TENT2: variants seen among roughly 807,000 people sequenced by gnomAD.
TENT2 encodes the protein terminal nucleotidyltransferase 2, also known as poly(A) RNA polymerase GLD2.
In TENT2, 44 loss-of-function variants were observed where a neutral mutation model predicts 72.2. The observed-to-expected ratio is 0.61, with a 90% CI of 0.48 to 0.78. TENT2 has a LOEUF of 0.78. Ranked by LOEUF, TENT2 falls within the 30% of genes least tolerant of loss-of-function variation. TENT2 has a pLI of 0.00. For missense variants in TENT2, 541 were observed against 569.6 expected (o/e 0.95, Z 0.51); for synonymous variants, 212 against 192.5 (o/e 1.10, Z -0.84).
chr5:79,633,645 A>G (rs1049918353), intron 4 of TENT2, among the ~76,000 whole-genome samples: 1 of 149,634 alleles, frequency 6.7e-6, no homozygotes, highest in African/African-American at 2.5e-5. Flanking sequence ...CGAACTGCCA[A>G]CCTCAGGTGA....
chr5:79,675,770 A>ATATAG (rs1480500032), intron 12 of TENT2, among the ~76,000 whole-genome samples: 2 of 152,206 alleles, frequency 1.3e-5, no homozygotes, highest in African/African-American at 4.8e-5. Context: ...ATGTGGGCAC[A>ATATAG]GAGATGCCTA....
chr5:79,632,804 A>G (rs976683175), intron 4 of TENT2, among the ~76,000 whole-genome samples: 2 of 152,192 alleles, frequency 1.3e-5, no homozygotes, highest in Non-Finnish European at 2.9e-5. Flanking sequence ...AAAACCACTG[A>G]GATATAAATT....
intron 11 of TENT2, among the ~76,000 whole-genome samples, chr5:79,658,077 G>A (rs185756988): frequency 1.2e-4 from 19 of 152,272 alleles, no homozygotes; most frequent in Non-Finnish European, 7.4e-5. Flanking sequence ...GATAATAAAC[G>A]TTCATTTTAA....
intron 12 of TENT2, among the ~76,000 whole-genome samples, chr5:79,676,151 CATAT>C (rs1817099045): frequency 7.4e-6 from 1 of 135,506 alleles, no homozygotes; most frequent in Non-Finnish European, 1.5e-5. Flanking sequence ...TATATATATA[CATAT>C]ATATGTATAC....
chr5:79,676,373 G>A (rs1580659897), intron 12 of TENT2, among the ~76,000 whole-genome samples: 1 of 152,190 alleles, frequency 6.6e-6, no homozygotes. Flanking sequence ...ATCGCTTGAG[G>A]TCAAGAGTTT....
intron 4 of TENT2, among the ~76,000 whole-genome samples, chr5:79,639,713 G>A (rs1043725846): frequency 9.2e-5 from 14 of 151,986 alleles, no homozygotes; most frequent in East Asian, 1.9e-4. Context: ...AGGAGAGTGA[G>A]AAAGTGTGAA....
intron 3 of TENT2, among the ~76,000 whole-genome samples, chr5:79,622,022 C>T (rs771542680): frequency 2.0e-5 from 3 of 151,896 alleles, no homozygotes; most frequent in Non-Finnish European, 4.4e-5. Context: ...TTCTATGGGC[C>T]GGGTGCAGTG....
intron 4 of TENT2, among the ~76,000 whole-genome samples, chr5:79,636,061 G>C (rs115236696): frequency 0.019 from 2,769 of 145,516 alleles, 95 homozygotes; most frequent in African/African-American, 0.065. Context: ...AAATTATTTA[G>C]CTTGCTGCCT....
At chr5:79,667,692 G>A (rs2150598797) in intron 11 of TENT2, among the ~76,000 whole-genome samples, 1 of 152,234 alleles carries the variant, frequency 6.6e-6, no homozygotes, top group African/African-American at 2.4e-5. Context: ...AGAATTATAG[G>A]TAATGGAACA....
At chr5:79,614,848 T>G (rs2149788687) in intron 1 of TENT2, among the ~76,000 whole-genome samples, 1 of 152,342 alleles carries the variant, frequency 6.6e-6, no homozygotes, top group East Asian at 1.9e-4. Context: ...CATTTTTATT[T>G]TCATCAAAAT....
intron 12 of TENT2, among the ~76,000 whole-genome samples, chr5:79,669,508 A>AT (rs1054779857): frequency 6.6e-6 from 1 of 152,166 alleles, no homozygotes; most frequent in African/African-American, 2.4e-5. Flanking sequence ...TTTGAAGATG[A>AT]TATGTAAACA....
intron 10 of TENT2, among the ~76,000 whole-genome samples, chr5:79,650,149 A>G (rs562195236): frequency 6.6e-6 from 1 of 152,234 alleles, no homozygotes; most frequent in East Asian, 1.9e-4. Flanking sequence ...CACAGTTTAG[A>G]GTCTTGGTTT....
In TENT2 at chr5:79,687,407, C is replaced by A. The variant is rs936456217; in HGVS notation, c.*2134C>A. ...TATTGAGGGATTGATTCCAGGTCAA[C>A]CCCGTCCTCTTCAGATACCAAAATC... On this transcript the variant is annotated 3_prime_UTR_variant, in exon 15 of 15. Coordinates refer to ENST00000453514, the MANE Select transcript of TENT2 (RefSeq NM_001114394.3). Among the ~76,000 whole-genome samples the A allele has an allele frequency of 1.3e-5, 2 of 152,142 alleles. No homozygotes were observed. Among genetic ancestry groups the A allele is most frequent in the Non-Finnish European group, 2.9e-5 (2 of 68,008 alleles).
In TENT2 at chr5:79,659,558, A is replaced by ATATG. The variant is rs1438983437; in HGVS notation, c.1071+2560_1071+2561insGTAT. Among the ~76,000 whole-genome samples the ATATG allele has an allele frequency of 4.2e-4, 22 of 52,256 alleles. 3 individuals carry two copies. Among genetic ancestry groups the ATATG allele is most frequent in the African/African-American group, 2.3e-3 (22 of 9,670 alleles). 34.3% of individuals were successfully genotyped at this position (52,256 alleles called of 152,430 possible). Reference sequence around the variant, plus strand: ...AAAAAAAAAAAAAAAAAAAAAATGTATATATATATATATATATATATATAT... The same window carrying ATATG: ...AAAAAAAAAAAAAAAAAAAAAATGTATATGTATATATATATATATATATATATAT... On this transcript the variant is annotated intron_variant, in intron 11 of 14. Coordinates refer to ENST00000453514, the MANE Select transcript of TENT2 (RefSeq NM_001114394.3).
intron 1 of TENT2, chr5:79,615,010 A>G (rs554364886): frequency 3.3e-5 from 5 of 152,328 alleles, no homozygotes; most frequent in Non-Finnish European, 4.4e-5. Flanking sequence ...CCTTCTTTAA[A>G]AAGAGCCTGA....
In TENT2 at chr5:79,657,960, A is replaced by G. The variant is rs76208920; in HGVS notation, c.1071+959A>G. ...ACACAAAATATAACAAATTTACTTG[A>G]CATGGAACATCAGTTAAATATAGTT... On this transcript the variant is annotated intron_variant, in intron 11 of 14. Transcript: ENST00000453514. 1.1e-3 allele frequency among the ~76,000 whole-genome samples: 162 copies of G among 152,334 alleles called. 3 individuals carry two copies. The East Asian group carries it at 0.027, about 26-fold the overall frequency.
At chr5:79,657,199 A>G (rs1349285298) in intron 11 of TENT2, among the ~76,000 whole-genome samples, 198 bp downstream of exon 11, 1 of 152,098 alleles carries the variant, frequency 6.6e-6, no homozygotes, top group Non-Finnish European at 1.5e-5. Context: ...TTATTGGCAG[A>G]CAGTCTGGTC....
chr5:79,637,306 T>C (rs528294864), intron 4 of TENT2, among the ~76,000 whole-genome samples: 1 of 152,378 alleles, frequency 6.6e-6, no homozygotes, highest in East Asian at 1.9e-4. Flanking sequence ...TAGAATACTT[T>C]CAGGCGTTAT....
At chr5:79,675,943 A>T (rs981374553) in intron 12 of TENT2, among the ~76,000 whole-genome samples, 1 of 152,108 alleles carries the variant, frequency 6.6e-6, no homozygotes, top group African/African-American at 2.4e-5. Flanking sequence ...CTGAGCCCTG[A>T]TGGATACTAA....
Sources: gnomAD v4.1 joint callset for allele counts (sites outside exome capture counted in the v4.1 genomes callset) on GRCh38, gnomAD v4.1.1 for gene constraint, MANE v1.5 for transcripts, NCBI Gene and HGNC (gene_info 2026-07-23, HGNC 2026-07-21) for gene names.